NOP14: variants seen among roughly 807,000 people sequenced by gnomAD.
NOP14 encodes NOP14 nucleolar protein, also known as nucleolar protein 14.
In NOP14, 57 loss-of-function variants were observed where a neutral mutation model predicts 101.6. That is an observed-to-expected ratio of 0.56 (90% CI 0.45 to 0.70). The LOEUF (loss-of-function observed/expected upper bound fraction) is 0.70. Ranked by LOEUF, NOP14 falls within the 30% of genes least tolerant of loss-of-function variation. NOP14 has a pLI of 0.00. For synonymous variants in NOP14, 428 were observed against 424.0 expected (o/e 1.01, Z -0.12); for missense variants, 1,134 against 1,075.5 (o/e 1.05, Z -0.76).
intron 1 of NOP14, among the ~76,000 whole-genome samples, chr4:2,960,485 TTC>T: frequency 6.6e-6 from 1 of 152,104 alleles, no homozygotes. Context: ...ATTATTGTGA[TTC>T]TCTTTCTTTC....
chr4:2,948,188 T>C lies in NOP14; in HGVS notation c.1413+90A>G, dbSNP rs562766777. 43 of 1,456,264 alleles carry C rather than the reference T, an allele frequency of 3.0e-5. No homozygotes were observed. In the East Asian group the frequency reaches 1.1e-3, roughly 36 times the overall value. 90.2% of individuals were successfully genotyped at this position (1,456,264 alleles called of 1,614,324 possible). ...GGCCCCATCTGGCCTGAGGCACACATGGCCGTTGCACAACTTCACACAATT... is the reference window on the plus strand; with the variant it reads ...GGCCCCATCTGGCCTGAGGCACACACGGCCGTTGCACAACTTCACACAATT... On this transcript the variant is annotated intron_variant, in intron 9 of 17. Transcript: ENST00000416614.
intron 10 of NOP14, 126 bp from the exon 11 acceptor site, chr4:2,946,673 T>G (rs534723834): frequency 1.9e-5 from 15 of 775,400 alleles, no homozygotes; most frequent in Non-Finnish European, 3.1e-5. Context: ...TGAATCCGCT[T>G]TTTCTAACAG....
chr4:2,947,811 G>C (rs1714755625), intron 9 of NOP14, 200 bp from the exon 10 acceptor site: 2 of 601,986 alleles, frequency 3.3e-6, no homozygotes, highest in South Asian at 2.0e-5. Flanking sequence ...GTGTAGGGGG[G>C]AGAAAGCTAA....
Position 2,963,152 on chromosome 4 carries a change from C to T in NOP14, c.168G>A (p.Gly56=). Residue 56 remains glycine (G), a synonymous_variant, in exon 1 of 18, where the codon GGG becomes GGA. Coordinates refer to ENST00000416614, the MANE Select transcript of NOP14 (RefSeq NM_001291978.2). ...TCCTGAGGGCCCGTGCGCGAGACACCCCGGGCAGTCCCACGTCGTGGCGCG... is the reference window on the plus strand; with the variant it reads ...TCCTGAGGGCCCGTGCGCGAGACACTCCGGGCAGTCCCACGTCGTGGCGCG... ...RKTRHDVGLP[G]VSRARALRKR... is the part of the protein sequence containing the mutation. 6.4e-7 allele frequency: 1 copy of T among 1,571,922 alleles called. No individual in the cohort carries two copies.
chr4:2,950,972 A>AC (rs1714989329), intron 7 of NOP14, 142 bp downstream of exon 7: 1 of 720,586 alleles, frequency 1.4e-6, no homozygotes, highest in South Asian at 1.9e-5. Flanking sequence ...TATACCATAA[A>AC]CACCCAGATA....
At chr4:2,945,352 A>G in intron 11 of NOP14, 123 bp from the exon 12 acceptor site, 1 of 728,916 alleles carries the variant, frequency 1.4e-6, no homozygotes, top group Non-Finnish European at 2.3e-6. Context: ...TCCTTGGCCC[A>G]GAGCTCTGGC....
rs1577834127 is a variant in NOP14, at chr4:2,947,806, G to T, written c.1414-195C>A. 6 of 605,628 alleles carry T rather than the reference G, an allele frequency of 9.9e-6. No individual in the cohort carries two copies. In the East Asian group the frequency reaches 1.7e-4, roughly 17 times the overall value. 37.5% of individuals were successfully genotyped at this position (605,628 alleles called of 1,614,324 possible). A position where few individuals can be genotyped will look rare whatever the true frequency, so the allele number is the denominator to read the frequency against. ...AACTTGCTAAGCACTAGAAGGTGTA[G>T]GGGGGAGAAAGCTAAGGGCAAGGCG... On this transcript the variant is annotated intron_variant, in intron 9 of 17. Coordinates refer to ENST00000416614, the MANE Select transcript of NOP14 (RefSeq NM_001291978.2).
chr4:2,959,410 G>A (rs966105426), intron 1 of NOP14, among the ~76,000 whole-genome samples: 3 of 152,234 alleles, frequency 2.0e-5, no homozygotes, highest in East Asian at 3.9e-4. Context: ...GGGTAACATG[G>A]TGAAACCCCG....
chr4:2,954,980 C>T (rs868132569), intron 3 of NOP14, among the ~76,000 whole-genome samples: 3 of 151,980 alleles, frequency 2.0e-5, no homozygotes, highest in African/African-American at 4.8e-5. Context: ...ACCTGTACCA[C>T]GGCGCCCCCT....
intron 15 of NOP14, 98 bp downstream of exon 15, chr4:2,941,484 C>A (rs1170305253): frequency 6.2e-6 from 7 of 1,130,638 alleles, no homozygotes; most frequent in Non-Finnish European, 8.8e-6. Context: ...TGTTGACTTA[C>A]AGCTGCAGCA....
At chr4:2,946,383 G>C in intron 11 of NOP14, 29 bp downstream of exon 11, 1 of 1,612,416 alleles carries the variant, frequency 6.2e-7, no homozygotes, top group South Asian at 1.1e-5. Flanking sequence ...TCTGTGGCAG[G>C]GGCAGTGCCT....
In NOP14 at chr4:2,952,400, A is replaced by G. The variant is rs1715089389; in HGVS notation, c.748-3T>C. 6.3e-7 allele frequency: 1 copy of G among 1,577,994 alleles called. No individual in the cohort carries two copies. Among genetic ancestry groups the G allele is most frequent in the South Asian group, 1.2e-5 (1 of 81,854 alleles). On this transcript the variant is annotated splice_region_variant and splice_polypyrimidine_tract_variant and intron_variant, in intron 5 of 17. Coordinates refer to ENST00000416614, the MANE Select transcript of NOP14 (RefSeq NM_001291978.2). ...ACCATCATGTCATATGCATCGGGCTAAGGTAGAAAGAAGAAATTCTTCATT... is the reference window on the plus strand; with the variant it reads ...ACCATCATGTCATATGCATCGGGCTGAGGTAGAAAGAAGAAATTCTTCATT...
chr4:2,948,080 G>T (rs1359347939), intron 9 of NOP14, among the ~76,000 whole-genome samples, 198 bp downstream of exon 9: 1 of 152,268 alleles, frequency 6.6e-6, no homozygotes, highest in Admixed American at 6.5e-5. Context: ...GAGGCCTAGA[G>T]AGGGGCCAAA....
chr4:2,958,390 T>C (rs1371573037), intron 1 of NOP14, among the ~76,000 whole-genome samples: 3 of 152,188 alleles, frequency 2.0e-5, no homozygotes, highest in Non-Finnish European at 4.4e-5. Flanking sequence ...AGGACAGAGA[T>C]GGGTGAGGAA....
chr4:2,943,162 G>A (rs1396869188), intron 13 of NOP14, among the ~76,000 whole-genome samples: 2 of 152,250 alleles, frequency 1.3e-5, no homozygotes, highest in African/African-American at 4.8e-5. Context: ...ACAGACAGGA[G>A]CCTTGGGAGG....
At chr4:2,947,719 C>G in intron 9 of NOP14, 108 bp from the exon 10 acceptor site, 1 of 821,398 alleles carries the variant, frequency 1.2e-6, no homozygotes, top group Non-Finnish European at 2.1e-6. Flanking sequence ...CCAGGTGGGG[C>G]AGGGGAGCCC....
chr4:2,942,102 A>C lies in NOP14; in HGVS notation c.2051+90T>G. 3.7e-6 allele frequency: 5 copies of C among 1,364,738 alleles called. No individual in the cohort carries two copies. The South Asian group carries it at 7.1e-5, about 19-fold the overall frequency. 84.5% of individuals were successfully genotyped at this position (1,364,738 alleles called of 1,614,324 possible). On this transcript the variant is annotated intron_variant, in intron 14 of 17. Transcript: ENST00000416614. ...CAAACGGCCGGGCGGCAAGTTCACT[A>C]AGAACAGCACATCAGAAAGCACGAG...
At chr4:2,953,414 C>G (rs1715153038) in intron 5 of NOP14, 97 bp downstream of exon 5, 2 of 1,343,560 alleles carry the variant, frequency 1.5e-6, no homozygotes, top group Non-Finnish European at 1.0e-6. Context: ...CTAAAGGAGA[C>G]AGGTAGAAGA....
At chr4:2,947,646 G>A (rs771354546) in intron 9 of NOP14, 35 bp from the exon 10 acceptor site, 1 of 1,536,374 alleles carries the variant, frequency 6.5e-7, no homozygotes, top group Non-Finnish European at 9.0e-7. Context: ...AAAGCTCAGT[G>A]CTCAGCACCA....
Sources: allele counts gnomAD v4.1 joint callset (sites outside exome capture counted in the v4.1 genomes callset), GRCh38; gene constraint gnomAD v4.1.1; transcripts MANE v1.5; gene names NCBI Gene and HGNC (gene_info 2026-07-23, HGNC 2026-07-21).